MAF: variants seen among roughly 807,000 people sequenced by gnomAD.
MAF encodes the protein MAF bZIP transcription factor, also known as transcription factor Maf.
A neutral mutation model predicts 22.0 loss-of-function variants in MAF; 10 were observed. That is an observed-to-expected ratio of 0.45 (90% CI 0.28 to 0.77). The LOEUF (loss-of-function observed/expected upper bound fraction) is 0.77, where lower values mean the gene tolerates loss of function less well. Among genes scored for constraint, MAF ranks in the 30% least tolerant of loss-of-function variants. MAF has a pLI of 0.12. For synonymous variants in MAF, 337 were observed against 255.8 expected (o/e 1.32, Z -3.03); for missense variants, 544 against 548.4 (o/e 0.99, Z 0.08).
the MAF span, among the ~76,000 whole-genome samples, chr16:79,458,163 A>C: frequency 1.2e-5 from 1 of 85,470 alleles, no homozygotes; most frequent in Non-Finnish European, 3.2e-5. Context: ...CTGTGTGACT[A>C]CTCAGCTAAC....
chr16:79,224,452 G>C, the MAF span, among the ~76,000 whole-genome samples: 2 of 152,118 alleles, frequency 1.3e-5, no homozygotes, highest in Non-Finnish European at 2.9e-5. Flanking sequence ...ACCTGCACAA[G>C]ACAAGGATGC....
the MAF span, among the ~76,000 whole-genome samples, chr16:79,543,471 C>G: frequency 6.6e-6 from 1 of 152,184 alleles, no homozygotes; most frequent in East Asian, 1.9e-4. Flanking sequence ...GGATGTTCAA[C>G]AAATGTCTGG....
At chr16:79,462,897 G>A in the MAF span, among the ~76,000 whole-genome samples, 10 of 152,198 alleles carry the variant, frequency 6.6e-5, no homozygotes, top group Non-Finnish European at 8.8e-5. Context: ...AAATGAAATA[G>A]AAGTTCGTAT....
At chr16:79,314,335 A>G in the MAF span, among the ~76,000 whole-genome samples, 2 of 152,148 alleles carry the variant, frequency 1.3e-5, no homozygotes, top group African/African-American at 4.8e-5. Flanking sequence ...TTTTCCTTTC[A>G]TAAGTACCCC....
chr16:79,214,703 CTTT>C, the MAF span, among the ~76,000 whole-genome samples: 10 of 43,050 alleles, frequency 2.3e-4, 1 homozygote, highest in African/African-American at 5.9e-4. Flanking sequence ...CTGTGCCTGG[CTTT>C]TTTTTTTTTT....
chr16:79,399,286 T>A, the MAF span, among the ~76,000 whole-genome samples: 1 of 152,338 alleles, frequency 6.6e-6, no homozygotes, highest in Admixed American at 6.5e-5. Flanking sequence ...AAATTCTTTG[T>A]AAAGTGCTCA....
At position 79,597,746 on chromosome 16, in the gene MAF, CAAAAGGAAAAA is replaced by C. The variant is rs562169075; in HGVS notation, c.1118+1028_1118+1038del. 1.3e-3 allele frequency: 1,350 copies of C among 1,012,502 alleles called. 3 individuals carry two copies. The highest frequency in any genetic ancestry group is 0.01 in the Admixed American group (165 of 16,004). The allele number at this position is 1,012,502 out of a possible 1,614,324, so 62.7% of individuals were successfully genotyped here. On this transcript the variant is annotated intron_variant, in intron 1 of 1. Transcript: ENST00000326043. ...AGTCTTCGAACGTCCATTTCCAAGC[CAAAAGGAAAAA>C]AAAAGGAAAAAATAATTATACCATA...
chr16:79,285,722 C>T, the MAF span, among the ~76,000 whole-genome samples: 2 of 152,162 alleles, frequency 1.3e-5, no homozygotes, highest in African/African-American at 4.8e-5. Flanking sequence ...GGCCAGAGGG[C>T]ACCGCAGGAC....
the MAF span, among the ~76,000 whole-genome samples, chr16:79,510,120 T>C: frequency 6.6e-6 from 1 of 152,166 alleles, no homozygotes; most frequent in East Asian, 1.9e-4. Flanking sequence ...TAAGCCTCAG[T>C]TTCTTCCTCC....
At chr16:79,531,697 C>A in the MAF span, among the ~76,000 whole-genome samples, 4 of 152,124 alleles carry the variant, frequency 2.6e-5, no homozygotes, top group Non-Finnish European at 5.9e-5. Flanking sequence ...TAGCAGGAGG[C>A]AGCACTCAGG....
At chr16:79,307,736 G>T in the MAF span, among the ~76,000 whole-genome samples, 2 of 152,132 alleles carry the variant, frequency 1.3e-5, no homozygotes, top group Non-Finnish European at 2.9e-5. Context: ...TGTTTTTCTG[G>T]AATGAAGCCT....
the MAF span, among the ~76,000 whole-genome samples, chr16:79,224,709 A>G: frequency 2.0e-5 from 3 of 152,234 alleles, no homozygotes; most frequent in Non-Finnish European, 4.4e-5. Context: ...ATTTCTATAC[A>G]CCAATAATAG....
At chr16:79,432,164 C>T in the MAF span, among the ~76,000 whole-genome samples, 1 of 152,152 alleles carries the variant, frequency 6.6e-6, no homozygotes, top group Non-Finnish European at 1.5e-5. Context: ...AGTGAGTTCT[C>T]ATGAGATCTG....
At chr16:79,506,283 A>G in the MAF span, among the ~76,000 whole-genome samples, 1 of 152,160 alleles carries the variant, frequency 6.6e-6, no homozygotes, top group Non-Finnish European at 1.5e-5. Context: ...CCTCATTTTA[A>G]TGCTAAGGAA....
chr16:79,479,663 G>A, the MAF span, among the ~76,000 whole-genome samples: 15 of 152,234 alleles, frequency 9.9e-5, no homozygotes, highest in Admixed American at 8.5e-4. Flanking sequence ...TACTGAGTAT[G>A]TGAAAACTCT....
the MAF span, among the ~76,000 whole-genome samples, chr16:79,420,258 T>C: frequency 6.6e-6 from 1 of 152,198 alleles, no homozygotes; most frequent in Non-Finnish European, 1.5e-5. Flanking sequence ...GCGAACAAAA[T>C]GTGTGTCACG....
chr16:79,218,503 CCA>C, the MAF span, among the ~76,000 whole-genome samples: 1 of 152,172 alleles, frequency 6.6e-6, no homozygotes, highest in African/African-American at 2.4e-5. Flanking sequence ...CTGGCCTTTG[CCA>C]CAGAGAGCCA....
downstream of MAF, among the ~76,000 whole-genome samples, chr16:79,593,290 C>A (rs544957971): frequency 2.0e-5 from 3 of 152,094 alleles, no homozygotes; most frequent in Non-Finnish European, 4.4e-5. Context: ...AACCTTTGAA[C>A]GTGTCATAGG....
the MAF span, among the ~76,000 whole-genome samples, chr16:79,213,123 G>A: frequency 4.6e-5 from 7 of 152,140 alleles, no homozygotes; most frequent in East Asian, 1.9e-4. Context: ...TTTCCAGCCC[G>A]TTCCAGCAAG....
Sources: allele counts gnomAD v4.1 joint callset (sites outside exome capture counted in the v4.1 genomes callset), GRCh38; gene constraint gnomAD v4.1.1; transcripts MANE v1.5; gene names NCBI Gene and HGNC (gene_info 2026-07-23, HGNC 2026-07-21).